Variants in RALGAPA1 observed in about 807,000 individuals in gnomAD.
RALGAPA1 encodes the protein Ral GTPase activating protein catalytic subunit alpha 1.
RALGAPA1 carries 52 observed loss-of-function variants against 269.6 expected under a neutral mutation model. The ratio of observed to expected loss-of-function variants is 0.19; its 90% confidence interval spans 0.15 to 0.24. The LOEUF (loss-of-function observed/expected upper bound fraction) is 0.24. Ranked by LOEUF, RALGAPA1 falls within the 10% of genes least tolerant of loss-of-function variation. The pLI, the probability that RALGAPA1 is intolerant of heterozygous loss-of-function variation, is 1.00. For synonymous variants in RALGAPA1, 817 were observed against 1,008.3 expected (o/e 0.81, Z 3.60); for missense variants, 1,917 against 3,013.9 (o/e 0.64, Z 8.52).
chr14:35,656,769 C>G (rs1195757259), intron 28 of RALGAPA1, among the ~76,000 whole-genome samples: 1 of 152,146 alleles, frequency 6.6e-6, no homozygotes, highest in East Asian at 1.9e-4. Context: ...GTTAAGGCTA[C>G]CAAACTGTTT....
chr14:35,554,874 T>G (rs2055446153), intron 39 of RALGAPA1, among the ~76,000 whole-genome samples: 1 of 152,208 alleles, frequency 6.6e-6, no homozygotes, highest in African/African-American at 2.4e-5. Context: ...ACACAGGGCC[T>G]GGTAGTATTC....
chr14:35,585,429 T>A (rs181377971), intron 37 of RALGAPA1, among the ~76,000 whole-genome samples: 128 of 104,580 alleles, frequency 1.2e-3, no homozygotes, highest in African/African-American at 4.6e-3. Context: ...AGAAATATTT[T>A]GAAACAAATG....
chr14:35,569,136 G>C (rs955595642), intron 39 of RALGAPA1, among the ~76,000 whole-genome samples: 2 of 152,142 alleles, frequency 1.3e-5, no homozygotes, highest in Non-Finnish European at 2.9e-5. Flanking sequence ...AGAAATTACA[G>C]AGTAATCAGA....
intron 31 of RALGAPA1, among the ~76,000 whole-genome samples, chr14:35,636,806 C>A (rs183650943): frequency 6.6e-6 from 1 of 152,290 alleles, no homozygotes; most frequent in African/African-American, 2.4e-5. Context: ...CAGGCATGAG[C>A]CACTGCACCG....
chr14:35,747,312 A>G (rs771907356), intron 10 of RALGAPA1, among the ~76,000 whole-genome samples: 1 of 152,240 alleles, frequency 6.6e-6, no homozygotes, highest in Non-Finnish European at 1.5e-5. Flanking sequence ...GCCTAGAAAA[A>G]TAAACTTATT....
At chr14:35,671,613 TA>T (rs1037374500) in intron 25 of RALGAPA1, 96 bp from the exon 26 acceptor site, 35 of 594,002 alleles carry the variant, frequency 5.9e-5, no homozygotes, top group African/African-American at 5.8e-4. Context: ...TATGAAATAA[TA>T]AAAAAGGTAA....
chr14:35,766,086 T>C (rs1278532146), intron 4 of RALGAPA1: 5 of 1,158,656 alleles, frequency 4.3e-6, no homozygotes, highest in African/African-American at 1.5e-5. Flanking sequence ...GGCATTCACA[T>C]GCTATGCGGC....
chr14:35,596,094 G>C (rs34547062), intron 36 of RALGAPA1, among the ~76,000 whole-genome samples: 17,483 of 151,870 alleles, frequency 0.12, 1,090 homozygotes, highest in South Asian at 0.14. Flanking sequence ...CCAAGGCCAG[G>C]GAGAAAAAGA....
At position 35,801,244 on chromosome 14, in the gene RALGAPA1, GACACACACAC is replaced by G. The variant is rs201700521; in HGVS notation, c.106+7476_106+7485del. Among the ~76,000 whole-genome samples the G allele has an allele frequency of 2.6e-4, 35 of 135,104 alleles. No homozygotes were observed. In the East Asian group the frequency reaches 4.0e-3, roughly 15 times the overall value. The allele number at this position is 135,104 out of a possible 152,430, so 88.6% of individuals were successfully genotyped here. A position where few individuals can be genotyped will look rare whatever the true frequency, so the allele number is the denominator to read the frequency against. ...GGGTCCTGCTATATATATATACACA[GACACACACAC>G]ACACACACACACACACACACACACA... On this transcript the variant is annotated intron_variant, in intron 1 of 41. Transcript: ENST00000680220.
intron 1 of RALGAPA1, among the ~76,000 whole-genome samples, chr14:35,787,209 T>A (rs2075858699): frequency 6.6e-6 from 1 of 152,252 alleles, no homozygotes; most frequent in Non-Finnish European, 1.5e-5. Flanking sequence ...TCTCACACTA[T>A]CTGTGAAGAT....
At chr14:35,692,757 A>T (rs1746135684) in intron 17 of RALGAPA1, among the ~76,000 whole-genome samples, 1 of 152,034 alleles carries the variant, frequency 6.6e-6, no homozygotes, top group Non-Finnish European at 1.5e-5. Context: ...TGCTAAATTC[A>T]GATCAAGAGG....
At chr14:35,684,370 C>T (rs17103453) in intron 20 of RALGAPA1, among the ~76,000 whole-genome samples, 6,152 of 152,154 alleles carry the variant, frequency 0.04, 358 homozygotes, top group African/African-American at 0.12. Context: ...TAACAAGGGG[C>T]AATTATTCAA....
chr14:35,705,481 TTTCTTCATG>T (rs1456350451), intron 16 of RALGAPA1, among the ~76,000 whole-genome samples: 1 of 152,134 alleles, frequency 6.6e-6, no homozygotes, highest in Non-Finnish European at 1.5e-5. Context: ...ACTCATTCAG[TTTCTTCATG>T]TTTTTTTTTT....
rs1341153640 is a variant in RALGAPA1, at chr14:35,539,615, A to G, written c.*99T>C. On this transcript the variant is annotated 3_prime_UTR_variant, in exon 42 of 42. Coordinates refer to ENST00000680220, the MANE Select transcript of RALGAPA1 (RefSeq NM_001346249.2). ...GCGGCTTTTGCTAGTTCGAGGAGAC[A>G]TTGGAGAGGCCAGGTCAGCCCCATC... 8.1e-6 allele frequency: 13 copies of G among 1,614,110 alleles called. No homozygotes were observed. The highest frequency in any genetic ancestry group is 1.1e-5 in the Non-Finnish European group (13 of 1,180,024).
chr14:35,783,922 G>A (rs879942582), intron 1 of RALGAPA1, among the ~76,000 whole-genome samples: 36 of 152,150 alleles, frequency 2.4e-4, no homozygotes, highest in African/African-American at 7.5e-4. Context: ...CCAAGTGTTG[G>A]CAATATGGGA....
intron 1 of RALGAPA1, among the ~76,000 whole-genome samples, chr14:35,779,023 C>T (rs889474602): frequency 6.6e-6 from 1 of 151,888 alleles, no homozygotes; most frequent in African/African-American, 2.4e-5. Flanking sequence ...AACAGGTAAC[C>T]CTAGATCTAT....
chr14:35,776,196 C>T (rs1186236308), intron 1 of RALGAPA1, among the ~76,000 whole-genome samples: 1 of 152,068 alleles, frequency 6.6e-6, no homozygotes, highest in East Asian at 1.9e-4. Flanking sequence ...GCCTGGCCAA[C>T]ACAGTGAAAC....
At chr14:35,748,535 T>G in intron 10 of RALGAPA1, 50 bp downstream of exon 10, 2 of 1,534,950 alleles carry the variant, frequency 1.3e-6, no homozygotes, top group Non-Finnish European at 1.8e-6. Flanking sequence ...TGTTTAATAT[T>G]AAAGATAAAA....
At chr14:35,654,538 T>C in intron 29 of RALGAPA1, 61 bp from the exon 30 acceptor site, 1 of 1,509,766 alleles carries the variant, frequency 6.6e-7, no homozygotes, top group African/African-American at 1.4e-5. Context: ...CAATGTATTA[T>C]CTGCTGAAAA....
Sources: gnomAD v4.1 joint callset for allele counts (sites outside exome capture counted in the v4.1 genomes callset) on GRCh38, gnomAD v4.1.1 for gene constraint, MANE v1.5 for transcripts, NCBI Gene and HGNC (gene_info 2026-07-23, HGNC 2026-07-21) for gene names.